The following ESYT2 variants were observed in gnomAD, a reference collection of about 807,000 sequenced individuals.
ESYT2 encodes extended synaptotagmin-2.
A neutral mutation model predicts 107.2 loss-of-function variants in ESYT2; 54 were observed. The observed-to-expected ratio is 0.50, with a 90% CI of 0.40 to 0.63. The LOEUF is 0.63. Ranked by LOEUF, ESYT2 falls within the 30% of genes least tolerant of loss-of-function variation. The pLI is 0.00. For synonymous variants in ESYT2, 491 were observed against 434.1 expected, an observed-to-expected ratio of 1.13 and a Z score of -1.63; for missense variants, 1,020 against 1,094.5, an observed-to-expected ratio of 0.93 and a Z score of 0.96.
intron 6 of ESYT2, among the ~76,000 whole-genome samples, chr7:158,784,736 A>C (rs542453657): frequency 1.3e-5 from 2 of 152,288 alleles, no homozygotes; most frequent in East Asian, 3.9e-4. Context: ...AAAGCACATC[A>C]ATTTCTGGAG....
In ESYT2 at chr7:158,738,880, G is replaced by A. The variant is rs117748643; in HGVS notation, c.2267+143C>T. ...AGTGGTGACACCCTTTACGAGCACCGTCTCTAGAGGTTTAATTGCTTTGTC... is the reference window on the plus strand; with the variant it reads ...AGTGGTGACACCCTTTACGAGCACCATCTCTAGAGGTTTAATTGCTTTGTC... On this transcript the variant is annotated intron_variant, in intron 19 of 22. Coordinates refer to ENST00000275418, the MANE Select transcript of ESYT2 (RefSeq NM_001367773.1). 4,707 of 817,952 alleles carry A rather than the reference G, an allele frequency of 5.8e-3. 29 individuals are homozygous for A. Among genetic ancestry groups the A allele is most frequent in the Non-Finnish European group, 7.2e-3 (3,722 of 519,752 alleles). 50.7% of individuals were successfully genotyped at this position (817,952 alleles called of 1,614,324 possible). A position where few individuals can be genotyped will look rare whatever the true frequency, so the allele number is the denominator to read the frequency against.
chr7:158,800,734 C>CTT lies in ESYT2; in HGVS notation c.331-1664_331-1663dup, dbSNP rs1235340586. On this transcript the variant is annotated intron_variant, in intron 1 of 22. Coordinates refer to ENST00000275418, the MANE Select transcript of ESYT2 (RefSeq NM_001367773.1). ...TTCTTTTTCTTTTTTCTTTTCTTTTCTTTTTTTTTTTTGAGACAGACTCTC... is the reference window on the plus strand; with the variant it reads ...TTCTTTTTCTTTTTTCTTTTCTTTTCTTTTTTTTTTTTTTGAGACAGACTCTC... Among the ~76,000 whole-genome samples the CTT allele has an allele frequency of 5.1e-5, 6 of 117,382 alleles. No homozygotes were observed. In the South Asian group the frequency reaches 7.4e-4, roughly 14 times the overall value. 77.0% of individuals were successfully genotyped at this position (117,382 alleles called of 152,430 possible).
chr7:158,738,392 G>A (rs1463120648), intron 19 of ESYT2, among the ~76,000 whole-genome samples: 1 of 147,284 alleles, frequency 6.8e-6, no homozygotes, highest in African/African-American at 2.5e-5. Flanking sequence ...TCCTGCTCTA[G>A]GCTACACATT....
intron 6 of ESYT2, among the ~76,000 whole-genome samples, chr7:158,782,575 GA>G (rs1838941094): frequency 8.3e-6 from 1 of 120,374 alleles, no homozygotes; most frequent in Admixed American, 9.5e-5. Context: ...GGGAGTGTGA[GA>G]ACAAAGAATG....
At chr7:158,737,364 CCTTT>C (rs1046121702) in intron 19 of ESYT2, among the ~76,000 whole-genome samples, 185 bp from the exon 20 acceptor site, 1 of 152,154 alleles carries the variant, frequency 6.6e-6, no homozygotes, top group African/African-American at 2.4e-5. Context: ...CTCCCAAACT[CCTTT>C]CTTAGTGGCT....
intron 13 of ESYT2, among the ~76,000 whole-genome samples, chr7:158,757,085 T>C (rs961597692): frequency 1.3e-5 from 2 of 152,168 alleles, no homozygotes; most frequent in East Asian, 1.9e-4. Context: ...CCAGTAGCAG[T>C]TGAGGAATGG....
chr7:158,824,302 G>A (rs1154002), intron 1 of ESYT2, among the ~76,000 whole-genome samples: 140,854 of 152,290 alleles, frequency 0.92, 65,261 homozygotes, highest in Middle Eastern at 0.96. Context: ...TTCAGGTGCT[G>A]AAGAAGCACT....
chr7:158,740,053 C>G (rs1206642950), intron 18 of ESYT2, among the ~76,000 whole-genome samples: 1 of 152,238 alleles, frequency 6.6e-6, no homozygotes, highest in Non-Finnish European at 1.5e-5. Context: ...AAAATCCCAG[C>G]TTGTCCTGAT....
intron 1 of ESYT2, among the ~76,000 whole-genome samples, chr7:158,802,711 T>C (rs1412822548): frequency 1.3e-5 from 2 of 152,242 alleles, no homozygotes; most frequent in Non-Finnish European, 2.9e-5. Context: ...GACTCATTCC[T>C]CTTTAAAAAT....
At chr7:158,810,557 C>T (rs554158212) in intron 1 of ESYT2, among the ~76,000 whole-genome samples, 1 of 152,222 alleles carries the variant, frequency 6.6e-6, no homozygotes, top group South Asian at 2.1e-4. Context: ...TGGCACATGC[C>T]TGTGGTCCCA....
chr7:158,765,275 C>T (rs1838117139), intron 8 of ESYT2, among the ~76,000 whole-genome samples: 1 of 152,150 alleles, frequency 6.6e-6, no homozygotes, highest in Non-Finnish European at 1.5e-5. Context: ...CCTGGTGCTA[C>T]AGTGAGTAAT....
chr7:158,775,818 G>A (rs1838542586), intron 6 of ESYT2, among the ~76,000 whole-genome samples: 2 of 152,138 alleles, frequency 1.3e-5, no homozygotes, highest in South Asian at 4.1e-4. Context: ...CATCTAGGAT[G>A]GTGAATCCTT....
rs1472168195 is a variant in ESYT2 at position 158,829,347 on chromosome 7, G to T, written c.72C>A (p.Asn24Lys). Residue 24 changes from asparagine to lysine, a missense_variant, in exon 1 of 23, where the codon AAC becomes AAA. Asn to Lys is a moderately conservative substitution (Grantham distance 94). Transcript: ENST00000275418. ...GCTCCACGCTCAGCACGCCCCCGGG[G>T]TTCTCAGGCGCCGCGCGGCCCCCAG... ...GGAGGRAAPE[N>K]PGGVLSVELP... 2.1e-6 allele frequency: 3 copies of T among 1,418,972 alleles called. No individual in the cohort carries two copies. The highest frequency in any genetic ancestry group is 2.7e-6 in the Non-Finnish European group (3 of 1,091,314). 87.9% of individuals were successfully genotyped at this position (1,418,972 alleles called of 1,614,324 possible). A position where few individuals can be genotyped will look rare whatever the true frequency, so the allele number is the denominator to read the frequency against.
At position 158,782,491 on chromosome 7, in the gene ESYT2, TGTGA is replaced by T. The variant is rs1268617381; in HGVS notation, c.747+5509_747+5512del. 6.9e-5 allele frequency among the ~76,000 whole-genome samples: 5 copies of T among 72,054 alleles called. 1 individual carries two copies. Among genetic ancestry groups the T allele is most frequent in the African/African-American group, 2.2e-4 (5 of 22,268 alleles). The allele number at this position is 72,054 out of a possible 152,430, so 47.3% of individuals were successfully genotyped here. On this transcript the variant is annotated intron_variant, in intron 6 of 22. Transcript: ENST00000275418. Reference sequence around the variant, plus strand: ...GAGTGTGAGAACAGTGAGAGGTGTGTGTGAAACAAGTGAGAACAAGTGTGAGTGG... The same window carrying T: ...GAGTGTGAGAACAGTGAGAGGTGTGTAACAAGTGAGAACAAGTGTGAGTGG...
chr7:158,751,148 G>A (rs1034090139), intron 14 of ESYT2, among the ~76,000 whole-genome samples: 4 of 152,030 alleles, frequency 2.6e-5, no homozygotes, highest in Non-Finnish European at 5.9e-5. Flanking sequence ...ATACCTTTTT[G>A]GGGGAGGTTG....
intron 1 of ESYT2, among the ~76,000 whole-genome samples, chr7:158,813,744 C>A (rs751160989): frequency 4.5e-4 from 69 of 152,168 alleles, no homozygotes; most frequent in Admixed American, 2.4e-3. Context: ...TGTTCCTCGT[C>A]CCGATGACTC....
In ESYT2 at chr7:158,756,082, C is replaced by G. The variant is rs147969787; in HGVS notation, c.1420-3239G>C. ...TTCAAGTTTTGCCCCCTACGCTCCC[C>G]CTACTTTAAAAAATAAGAATAAACT... On this transcript the variant is annotated intron_variant, in intron 13 of 22. Coordinates refer to ENST00000275418, the MANE Select transcript of ESYT2 (RefSeq NM_001367773.1). Among the ~76,000 whole-genome samples, 686 of 152,226 alleles carry G rather than the reference C, an allele frequency of 4.5e-3. 5 individuals carry two copies. The highest frequency in any genetic ancestry group is 0.031 in the Middle Eastern group (9 of 294).
chr7:158,742,827 T>C (rs1312086681), intron 17 of ESYT2, among the ~76,000 whole-genome samples: 2 of 152,224 alleles, frequency 1.3e-5, no homozygotes, highest in Admixed American at 1.3e-4. Flanking sequence ...GTCAGGTTTC[T>C]AGAAGAAAGG....
chr7:158,763,768 G>A (rs762402626), intron 9 of ESYT2, among the ~76,000 whole-genome samples: 2 of 152,200 alleles, frequency 1.3e-5, no homozygotes, highest in Non-Finnish European at 2.9e-5. Context: ...GTCATGATAC[G>A]TCACCCACAA....
Sources: allele counts gnomAD v4.1 joint callset (sites outside exome capture counted in the v4.1 genomes callset), GRCh38; gene constraint gnomAD v4.1.1; transcripts MANE v1.5; gene names NCBI Gene and HGNC (gene_info 2026-07-23, HGNC 2026-07-21).